Variants in MND1 observed in about 807,000 individuals in gnomAD.
The protein encoded by MND1 is meiotic nuclear division protein 1 homolog.
Under a neutral mutation model 35.1 loss-of-function variants are expected in MND1, and 28 were observed. That is an observed-to-expected ratio of 0.80 (90% CI 0.59 to 1.09). The LOEUF is 1.09. Ranked by LOEUF, MND1 falls within the 50% of genes least tolerant of loss-of-function variation. The probability of loss-of-function intolerance (pLI) is 0.00; values close to 1 mark genes in which losing one functional copy is unlikely to be tolerated. For missense variants in MND1, 213 were observed against 239.6 expected, an observed-to-expected ratio of 0.89 and a Z score of 0.73; for synonymous variants, 69 against 70.5, an observed-to-expected ratio of 0.98 and a Z score of 0.11.
In MND1 at chr4:153,388,937, A is replaced by G. The variant is rs190174317; in HGVS notation, c.277-5325A>G. On this transcript the variant is annotated intron_variant, in intron 4 of 7. Transcript: ENST00000240488. ...GACTCAGGGGATGGTCCCCTACCCC[A>G]TAGTCCGATGGTTTCTTTCCCAGTG... 3.2e-4 allele frequency among the ~76,000 whole-genome samples: 49 copies of G among 152,320 alleles called. 1 individual carries two copies. The highest frequency in any genetic ancestry group is 9.1e-4 in the Admixed American group (14 of 15,302).
At chr4:153,345,882 T>C (rs1241536723) in intron 1 of MND1, among the ~76,000 whole-genome samples, 2 of 152,344 alleles carry the variant, frequency 1.3e-5, no homozygotes, top group Admixed American at 1.3e-4. Flanking sequence ...GTTACAATTT[T>C]TCTCTGCAGA....
chr4:153,381,380 A>G (rs182355092), intron 4 of MND1, among the ~76,000 whole-genome samples: 5 of 151,768 alleles, frequency 3.3e-5, no homozygotes, highest in Admixed American at 1.3e-4. Context: ...TCAGTGTTTC[A>G]TATGAGATAC....
intron 4 of MND1, among the ~76,000 whole-genome samples, chr4:153,359,709 AATAG>A (rs1257193016): frequency 1.3e-5 from 2 of 150,818 alleles, no homozygotes; most frequent in Non-Finnish European, 3.0e-5. Context: ...TAGCCATTCT[AATAG>A]ATGTGTAGTG....
chr4:153,396,719 T>C (rs752314885), intron 5 of MND1, among the ~76,000 whole-genome samples: 1 of 152,278 alleles, frequency 6.6e-6, no homozygotes, highest in East Asian at 1.9e-4. Context: ...GGCCTCAAAC[T>C]ACAATTGTAT....
Position 153,344,709 on chromosome 4 carries a change from C to A in MND1, c.-29C>A, listed in dbSNP as rs971183686. The A allele has an allele frequency of 6.3e-7, 1 of 1,584,610 alleles. No homozygotes were observed. The highest frequency in any genetic ancestry group is 1.7e-5 in the Admixed American group (1 of 57,530). On this transcript the variant is annotated 5_prime_UTR_variant, in exon 1 of 8. Coordinates refer to ENST00000240488, the MANE Select transcript of MND1 (RefSeq NM_032117.4). The stretch of plus-strand genomic sequence containing the variant: ...CCGCCCCTCTCCCCAAGCGCGGGCC[C>A]GGCCAGCGGAAGCCCCTGCGCCCGC...
chr4:153,409,188 T>C (rs183321986), intron 7 of MND1, 173 bp downstream of exon 7: 150 of 236,392 alleles, frequency 6.3e-4, no homozygotes, highest in Non-Finnish European at 1.1e-3. Flanking sequence ...AGGTTTTTTT[T>C]ATAATCTTAT....
chr4:153,383,769 T>C (rs932938916), intron 4 of MND1, among the ~76,000 whole-genome samples: 2 of 152,218 alleles, frequency 1.3e-5, no homozygotes, highest in African/African-American at 2.4e-5. Context: ...TCCCATTTCA[T>C]TGGACAAAAC....
chr4:153,385,758 T>A (rs1420314357), intron 4 of MND1, among the ~76,000 whole-genome samples: 1 of 151,308 alleles, frequency 6.6e-6, no homozygotes, highest in African/African-American at 2.4e-5. Flanking sequence ...TAGAGCATGC[T>A]TCAGACATCA....
chr4:153,390,174 G>A (rs988069499), intron 4 of MND1, among the ~76,000 whole-genome samples: 1 of 152,138 alleles, frequency 6.6e-6, no homozygotes, highest in Non-Finnish European at 1.5e-5. Context: ...TGGCAGTAGT[G>A]CAGTTGTATA....
At chr4:153,399,216 C>T (rs1729279350) in intron 6 of MND1, among the ~76,000 whole-genome samples, 1 of 152,084 alleles carries the variant, frequency 6.6e-6, no homozygotes. Flanking sequence ...GTTTCATTCT[C>T]TTATATGTCT....
At position 153,383,979 on chromosome 4, in the gene MND1, A is replaced by T. The variant is rs147910451; in HGVS notation, c.277-10283A>T. On this transcript the variant is annotated intron_variant, in intron 4 of 7. Transcript: ENST00000240488. ...CATTTCTCAGGTCTAAACAGTCTGT[A>T]AACATTCATAAGTTTATATGTAACT... 5.9e-5 allele frequency among the ~76,000 whole-genome samples: 9 copies of T among 152,298 alleles called. No individual in the cohort carries two copies. The East Asian group carries it at 1.5e-3, about 26-fold the overall frequency.
chr4:153,345,162 G>GCCCC (rs1554008235), intron 1 of MND1, among the ~76,000 whole-genome samples: 4 of 152,016 alleles, frequency 2.6e-5, no homozygotes, highest in African/African-American at 9.7e-5. Context: ...GCGTGGTGTA[G>GCCCC]CCCCCCCCAT....
At chr4:153,381,693 T>TATATATATATATATATATA (rs1491188331) in intron 4 of MND1, 2 of 12,076 alleles carry the variant, frequency 1.7e-4, no homozygotes, top group Admixed American at 1.6e-3. Context: ...TATATATATA[T>TATATATATATATATATATA]TTTTTTTTTT....
At chr4:153,402,731 G>T (rs192010644) in intron 6 of MND1, among the ~76,000 whole-genome samples, 80 of 152,170 alleles carry the variant, frequency 5.3e-4, no homozygotes, top group African/African-American at 1.8e-3. Context: ...ATCTGGCCTC[G>T]GGTATGCCCA....
chr4:153,384,940 T>C (rs1728813108), intron 4 of MND1, among the ~76,000 whole-genome samples: 1 of 152,230 alleles, frequency 6.6e-6, no homozygotes, highest in African/African-American at 2.4e-5. Flanking sequence ...CTTGCTAGCT[T>C]CACAGAGTGT....
At chr4:153,373,858 AC>A (rs1221037215) in intron 4 of MND1, among the ~76,000 whole-genome samples, 1 of 152,160 alleles carries the variant, frequency 6.6e-6, no homozygotes, top group African/African-American at 2.4e-5. Context: ...CATTTCGCAG[AC>A]CTAAACCTAC....
At chr4:153,404,054 A>G (rs555051470) in intron 6 of MND1, among the ~76,000 whole-genome samples, 29 of 152,316 alleles carry the variant, frequency 1.9e-4, no homozygotes, top group Admixed American at 5.9e-4. Flanking sequence ...CACTGGAGTG[A>G]AAATGTTTCA....
chr4:153,381,520 A>G (rs996970688), intron 4 of MND1, among the ~76,000 whole-genome samples: 2 of 150,354 alleles, frequency 1.3e-5, no homozygotes, highest in African/African-American at 4.9e-5. Flanking sequence ...TGTCAAAGTT[A>G]TATATATTCT....
At chr4:153,387,252 G>A (rs2149649362) in intron 4 of MND1, among the ~76,000 whole-genome samples, 1 of 151,854 alleles carries the variant, frequency 6.6e-6, no homozygotes, top group African/African-American at 2.4e-5. Flanking sequence ...GTATCCCACG[G>A]GAATTTTTCA....
Sources: allele counts gnomAD v4.1 joint callset (sites outside exome capture counted in the v4.1 genomes callset), GRCh38; gene constraint gnomAD v4.1.1; transcripts MANE v1.5; gene names NCBI Gene and HGNC (gene_info 2026-07-23, HGNC 2026-07-21).